Variants in PLAGL1 observed in about 807,000 individuals in gnomAD.
The protein encoded by PLAGL1 is zinc finger protein PLAGL1.
PLAGL1 carries 1 observed loss-of-function variant against 4.6 expected under a neutral mutation model. The observed-to-expected ratio is 0.22, with a 90% CI of 0.08 to 1.03. The LOEUF is 1.03. Ranked by LOEUF, PLAGL1 falls within the 50% of genes least tolerant of loss-of-function variation. The pLI is 0.58. For missense variants in PLAGL1, 464 were observed against 570.4 expected (o/e 0.81, Z 1.90); for synonymous variants, 240 against 237.8 (o/e 1.01, Z -0.08).
intron 1 of PLAGL1, among the ~76,000 whole-genome samples, chr6:143,992,094 CATAACTT>C (rs751467924): frequency 5.3e-5 from 8 of 152,212 alleles, no homozygotes; most frequent in African/African-American, 1.2e-4. Context: ...AGTTGGTCTG[CATAACTT>C]ATAACTTATA....
chr6:144,047,598 A>G (rs1261179235), intron 1 of PLAGL1, among the ~76,000 whole-genome samples: 2 of 152,084 alleles, frequency 1.3e-5, no homozygotes, highest in Non-Finnish European at 2.9e-5. Flanking sequence ...TCCCTTATAA[A>G]ACCATCAGAT....
rs371771666 is a variant in PLAGL1 at position 144,039,793 on chromosome 6, A to T, written c.-151+24675T>A. Among the ~76,000 whole-genome samples the T allele has an allele frequency of 1.3e-5, 2 of 152,220 alleles. No homozygotes were observed. The highest frequency in any genetic ancestry group is 3.8e-4 in the East Asian group (2 of 5,206). ...GTATAAATCCTAGACATATTTATGCATATGTACACCAAGATATATCTGCAA... is the reference window on the plus strand; with the variant it reads ...GTATAAATCCTAGACATATTTATGCTTATGTACACCAAGATATATCTGCAA... On this transcript the variant is annotated intron_variant, in intron 1 of 3. Coordinates refer to the PLAGL1 transcript ENST00000437412. This position sits in a 1 kb window ranked among gnomAD's most constrained non-coding sequence, Gnocchi z 4.1.
In PLAGL1 at chr6:143,979,661, A is replaced by G. The variant is rs765361871; in HGVS notation, c.-544+5474T>C. The stretch of plus-strand genomic sequence containing the variant: ...GTTGTAACTTTTGCTTTTATATGTT[A>G]TATACCCCATTTGCTATTTTTGTTT... On this transcript the variant is annotated intron_variant, in intron 2 of 7. Coordinates refer to ENST00000674357, the MANE Select transcript of PLAGL1 (RefSeq NM_001317162.2). This position sits in a 1 kb window ranked among gnomAD's most constrained non-coding sequence, Gnocchi z 4.6. Among the ~76,000 whole-genome samples, 12 of 151,938 alleles carry G rather than the reference A, an allele frequency of 7.9e-5. No individual in the cohort carries two copies. The highest frequency in any genetic ancestry group is 2.1e-4 in the South Asian group (1 of 4,820).
intron 7 of PLAGL1, among the ~76,000 whole-genome samples, chr6:143,944,457 C>G (rs1779315616): frequency 6.6e-6 from 1 of 152,062 alleles, no homozygotes; most frequent in African/African-American, 2.4e-5. Context: ...ACAAAACAAA[C>G]AAACAAAAAC....
upstream of PLAGL1, among the ~76,000 whole-genome samples, chr6:144,010,936 A>G (rs1396738146): frequency 1.3e-5 from 2 of 152,212 alleles, no homozygotes; most frequent in Non-Finnish European, 2.9e-5. This position sits in a 1 kb window ranked among gnomAD's most constrained non-coding sequence, Gnocchi z 4.1. Flanking sequence ...GCTTCGTTAC[A>G]CCTTATACAA....
chr6:144,055,351 C>G lies in PLAGL1; in HGVS notation c.-151+9117G>C, dbSNP rs1344351592. ...AAGCAGCACCAGAACCACAACCCAC[C>G]ATGACTTGCTGTGCTTGTTATACAA... On this transcript the variant is annotated intron_variant, in intron 1 of 3. Coordinates refer to the PLAGL1 transcript ENST00000437412. This position sits in a 1 kb window ranked among gnomAD's most constrained non-coding sequence, Gnocchi z 5.0. 1.4e-4 allele frequency among the ~76,000 whole-genome samples: 21 copies of G among 152,178 alleles called. No individual in the cohort carries two copies. The highest frequency in any genetic ancestry group is 4.4e-5 in the Non-Finnish European group (3 of 68,036).
At position 144,050,159 on chromosome 6, in the gene PLAGL1, G is replaced by A. The variant is rs1798477468; in HGVS notation, c.-151+14309C>T. On this transcript the variant is annotated intron_variant, in intron 1 of 3. Coordinates refer to the PLAGL1 transcript ENST00000437412. This position sits in a 1 kb window ranked among gnomAD's most constrained non-coding sequence, Gnocchi z 4.3. ...AACTCAAAATATTTATGTGTCTGGT[G>A]AGTTTTGAGGGAAATTGAGACCACC... Among the ~76,000 whole-genome samples, 1 of 152,124 alleles carries A rather than the reference G, an allele frequency of 6.6e-6. No individual in the cohort carries two copies. Among genetic ancestry groups the A allele is most frequent in the African/African-American group, 2.4e-5 (1 of 41,420 alleles).
chr6:143,963,705 G>A lies in PLAGL1; in HGVS notation c.-399+1082C>T, dbSNP rs1170975823. 6.6e-6 allele frequency among the ~76,000 whole-genome samples: 1 copy of A among 152,196 alleles called. No individual in the cohort carries two copies. Among genetic ancestry groups the A allele is most frequent in the Non-Finnish European group, 1.5e-5 (1 of 68,034 alleles). On this transcript the variant is annotated intron_variant, in intron 5 of 7. Transcript: ENST00000674357. This position sits in a 1 kb window ranked among gnomAD's most constrained non-coding sequence, Gnocchi z 6.1. ...CCAAACTTAGAAGCTCTGCAGTCTA[G>A]ATTGTTCTCAGAGATTAAGCTTTAC...
In PLAGL1 at chr6:144,061,771, T is replaced by G. The variant is rs987886480; in HGVS notation, c.-151+2697A>C. 3.3e-5 allele frequency among the ~76,000 whole-genome samples: 5 copies of G among 152,194 alleles called. No homozygotes were observed. Among genetic ancestry groups the G allele is most frequent in the African/African-American group, 1.2e-4 (5 of 41,454 alleles). ...ACCTCCCACCATCAATTTTATCAAGTTCCTTCCTCCTCCCAATCTCCCTCT... is the reference window on the plus strand; with the variant it reads ...ACCTCCCACCATCAATTTTATCAAGGTCCTTCCTCCTCCCAATCTCCCTCT... On this transcript the variant is annotated intron_variant, in intron 1 of 3. Transcript: ENST00000437412. The surrounding 1 kb of genome is among the most constrained non-coding windows in gnomAD (Gnocchi z 4.4).
chr6:143,969,578 A>AGG (rs1186099759), intron 2 of PLAGL1, among the ~76,000 whole-genome samples: 2 of 151,922 alleles, frequency 1.3e-5, no homozygotes, highest in Admixed American at 6.6e-5. Flanking sequence ...TGAGGGCAGG[A>AGG]GTTTGAGACC....
rs1212266607 is a variant in PLAGL1, at chr6:143,985,946, A to G, written c.-583-772T>C. 7.2e-6 allele frequency among the ~76,000 whole-genome samples: 1 copy of G among 138,714 alleles called. No homozygotes were observed. Among genetic ancestry groups the G allele is most frequent in the Non-Finnish European group, 1.5e-5 (1 of 64,652 alleles). 91.0% of individuals were successfully genotyped at this position (138,714 alleles called of 152,430 possible). ...ACACACACATATATATAAAAGATAT[A>G]TATACACATATATATCAAATTATAT... On this transcript the variant is annotated intron_variant, in intron 1 of 7. Coordinates refer to ENST00000674357, the MANE Select transcript of PLAGL1 (RefSeq NM_001317162.2). The surrounding 1 kb of genome is among the most constrained non-coding windows in gnomAD (Gnocchi z 4.4).
At chr6:144,010,743 G>C (rs1487532497), upstream of PLAGL1, among the ~76,000 whole-genome samples, 1 of 152,148 alleles carries the variant, frequency 6.6e-6, no homozygotes, top group Non-Finnish European at 1.5e-5. The surrounding 1 kb of genome is among the most constrained non-coding windows in gnomAD (Gnocchi z 4.1). Flanking sequence ...CATGGTACTG[G>C]TACCAAAACA....
chr6:143,999,492 G>C (rs1031989740), intron 1 of PLAGL1, among the ~76,000 whole-genome samples: 9 of 152,160 alleles, frequency 5.9e-5, no homozygotes, highest in African/African-American at 2.2e-4. Flanking sequence ...TTTGTTTAGT[G>C]ACCATTTTCC....
rs1313798799 is a variant in PLAGL1 at position 143,973,631 on chromosome 6, T to A, written c.-543-4653A>T. 6.6e-6 allele frequency among the ~76,000 whole-genome samples: 1 copy of A among 152,220 alleles called. No homozygotes were observed. The highest frequency in any genetic ancestry group is 1.9e-4 in the East Asian group (1 of 5,198). ...TGAACAATCTGCAACTTCTTTCATG[T>A]CACCGTACCCAAACTATATGGAAAC... On this transcript the variant is annotated intron_variant, in intron 2 of 7. Coordinates refer to ENST00000674357, the MANE Select transcript of PLAGL1 (RefSeq NM_001317162.2). The surrounding 1 kb of genome is among the most constrained non-coding windows in gnomAD (Gnocchi z 6.2).
At chr6:144,054,114 T>C (rs764279595) in intron 1 of PLAGL1, among the ~76,000 whole-genome samples, 7 of 152,098 alleles carry the variant, frequency 4.6e-5, no homozygotes, top group Non-Finnish European at 7.3e-5. Context: ...TTCTATAACA[T>C]ACCACATGCA....
At chr6:144,010,168 T>C (rs551601110), upstream of PLAGL1, among the ~76,000 whole-genome samples, 9 of 152,282 alleles carry the variant, frequency 5.9e-5, no homozygotes, top group South Asian at 2.1e-4. This position sits in a 1 kb window ranked among gnomAD's most constrained non-coding sequence, Gnocchi z 4.1. Flanking sequence ...CTCCACATCC[T>C]CTCCAGCATC....
chr6:143,977,495 A>G (rs1234007696), intron 2 of PLAGL1, among the ~76,000 whole-genome samples: 7 of 62,328 alleles, frequency 1.1e-4, no homozygotes, highest in Non-Finnish European at 2.0e-4. Flanking sequence ...TTTTTTTGAG[A>G]TGGAGTCTGG....
intron 7 of PLAGL1, among the ~76,000 whole-genome samples, chr6:143,943,335 T>A (rs1184053347): frequency 6.6e-6 from 1 of 152,184 alleles, no homozygotes; most frequent in Non-Finnish European, 1.5e-5. Context: ...CAGAACCACA[T>A]AAAGCCCCAG....
intron 1 of PLAGL1, among the ~76,000 whole-genome samples, chr6:144,014,205 C>A (rs1200923124): frequency 1.3e-5 from 2 of 152,044 alleles, no homozygotes; most frequent in African/African-American, 2.4e-5. Context: ...CCGAGGCGGG[C>A]AGATCATTTG....
Sources: gnomAD v4.1 joint callset for allele counts (sites outside exome capture counted in the v4.1 genomes callset) on GRCh38, gnomAD v4.1.1 for gene constraint, Gnocchi (gnomAD v3.1) non-coding constraint, MANE v1.5 for transcripts, NCBI Gene and HGNC (gene_info 2026-07-23, HGNC 2026-07-21) for gene names.